Variants in FAAH2 observed in about 807,000 individuals in gnomAD.
FAAH2 encodes the protein fatty-acid amide hydrolase 2.
Under a neutral mutation model 36.9 loss-of-function variants are expected in FAAH2, and 60 were observed. That is an observed-to-expected ratio of 1.63 (90% CI 1.32 to 2.02). The LOEUF is 2.02. Among genes scored for constraint, FAAH2 ranks in the 30% most tolerant of loss-of-function variants. The pLI is 0.00. For missense variants in FAAH2, 689 were observed against 397.5 expected (o/e 1.73, Z -6.23); for synonymous variants, 214 against 143.8 (o/e 1.49, Z -3.49).
chrX:57,257,305 G>A, the FAAH2 span, among the ~76,000 whole-genome samples: 7 of 112,015 alleles, frequency 6.2e-5, no homozygotes, highest in Admixed American at 6.6e-4. Flanking sequence ...ATATTTATCA[G>A]TGATAGACTG....
At chrX:57,144,338 G>A in the FAAH2 span, among the ~76,000 whole-genome samples, 1 of 95,383 alleles carries the variant, frequency 1.0e-5, no homozygotes, top group African/African-American at 3.9e-5. Flanking sequence ...TCTTGTATTT[G>A]GATATTTATA....
Position 57,286,800 on chromosome X carries a change from T to C in FAAH2, c.-26T>C. The C allele has an allele frequency of 8.6e-7, 1 of 1,159,640 alleles. No individual in the cohort carries two copies. Among genetic ancestry groups the C allele is most frequent in the Non-Finnish European group, 1.2e-6 (1 of 866,558 alleles). ...CAGGGTGCACGTAACCCTCAAGCAC[T>C]AGGACCGTGCGGAATCCAGGCTGCG... On this transcript the variant is annotated 5_prime_UTR_variant, in exon 1 of 11. Transcript: ENST00000374900.
intron 3 of FAAH2, among the ~76,000 whole-genome samples, chrX:57,313,644 T>C (rs2052756986): frequency 9.1e-6 from 1 of 110,377 alleles, no homozygotes; most frequent in African/African-American, 3.3e-5. Context: ...AGAATTTCAT[T>C]TCCTCGCAAA....
chrX:57,123,718 CATTGTGGTTTTG>C, the FAAH2 span, among the ~76,000 whole-genome samples: 1 of 112,358 alleles, frequency 8.9e-6, no homozygotes, highest in Non-Finnish European at 1.9e-5. Flanking sequence ...GATGGTATCT[CATTGTGGTTTTG>C]ATTTGCATTT....
At chrX:57,397,425 T>A (rs1218907733) in intron 7 of FAAH2, among the ~76,000 whole-genome samples, 1 of 112,157 alleles carries the variant, frequency 8.9e-6, no homozygotes, top group African/African-American at 3.2e-5. Context: ...TTTGTTTCCA[T>A]ATTTAGTACT....
At chrX:57,184,368 A>C in the FAAH2 span, among the ~76,000 whole-genome samples, 1 of 111,938 alleles carries the variant, frequency 8.9e-6, no homozygotes, top group African/African-American at 3.2e-5. Context: ...TGCTGGTTTG[A>C]GGCTCAGGCG....
chrX:57,404,107 G>T (rs2055506611), intron 7 of FAAH2, among the ~76,000 whole-genome samples: 1 of 112,132 alleles, frequency 8.9e-6, no homozygotes, highest in Non-Finnish European at 1.9e-5. Flanking sequence ...CTGGGTTAAA[G>T]ATTTTTTATA....
intron 4 of FAAH2, among the ~76,000 whole-genome samples, chrX:57,335,750 G>T (rs747847035): frequency 8.1e-5 from 9 of 111,637 alleles, no homozygotes; most frequent in Non-Finnish European, 1.5e-4. Context: ...TTCCCACGAG[G>T]CCATATTTCA....
At chrX:57,362,559 C>T in intron 5 of FAAH2, among the ~76,000 whole-genome samples, 1 of 111,636 alleles carries the variant, frequency 9.0e-6, no homozygotes, top group East Asian at 2.8e-4. Context: ...TTTCTGTTTA[C>T]TCTGTTGATG....
chrX:57,149,198 G>A, the FAAH2 span, among the ~76,000 whole-genome samples: 1 of 111,661 alleles, frequency 9.0e-6, no homozygotes, highest in Non-Finnish European at 1.9e-5. Flanking sequence ...TGTTCATCAA[G>A]GATATTGGTC....
chrX:57,312,130 G>A (rs2052712034), intron 3 of FAAH2, among the ~76,000 whole-genome samples: 1 of 112,363 alleles, frequency 8.9e-6, no homozygotes, highest in Admixed American at 9.4e-5. Flanking sequence ...TTGATCACAG[G>A]GGGCTCTCCC....
the FAAH2 span, among the ~76,000 whole-genome samples, chrX:57,167,838 C>T: frequency 9.0e-6 from 1 of 111,336 alleles, no homozygotes; most frequent in Non-Finnish European, 1.9e-5. Flanking sequence ...CCAGTGACAC[C>T]AACTTTTCAG....
chrX:57,437,834 T>C (rs1448855009), intron 8 of FAAH2, among the ~76,000 whole-genome samples: 1 of 102,716 alleles, frequency 9.7e-6, no homozygotes. Flanking sequence ...ATATAATATA[T>C]AAATATAATT....
the FAAH2 span, among the ~76,000 whole-genome samples, chrX:57,252,052 A>C: frequency 8.9e-6 from 1 of 112,819 alleles, no homozygotes; most frequent in African/African-American, 3.2e-5. Context: ...AGATTCCTGG[A>C]GACCTGCAGA....
intron 3 of FAAH2, among the ~76,000 whole-genome samples, chrX:57,328,774 G>A (rs1015649827): frequency 9.0e-6 from 1 of 111,610 alleles, no homozygotes; most frequent in Non-Finnish European, 1.9e-5. Context: ...TTTGATTATG[G>A]TATAAGGTAG....
At chrX:57,423,573 C>T (rs1178411464) in intron 7 of FAAH2, among the ~76,000 whole-genome samples, 2 of 111,971 alleles carry the variant, frequency 1.8e-5, no homozygotes, top group Non-Finnish European at 3.8e-5. Context: ...GACCCACTGC[C>T]ACATGCTAGG....
chrX:57,126,729 T>A, the FAAH2 span, among the ~76,000 whole-genome samples: 2 of 111,686 alleles, frequency 1.8e-5, no homozygotes, highest in Non-Finnish European at 3.8e-5. Flanking sequence ...GTCATGGTGA[T>A]GCCATTCTTC....
At chrX:57,219,109 G>A in the FAAH2 span, among the ~76,000 whole-genome samples, 2 of 111,730 alleles carry the variant, frequency 1.8e-5, no homozygotes, top group African/African-American at 6.5e-5. Context: ...TTGAGAAAGA[G>A]GCCATATGGG....
chrX:57,148,858 C>G, the FAAH2 span, among the ~76,000 whole-genome samples: 504 of 111,502 alleles, frequency 4.5e-3, 3 homozygotes, highest in African/African-American at 0.016. Flanking sequence ...GGGAATGCTT[C>G]CAGTTTTTGC....
Sources: gnomAD v4.1 joint callset for allele counts (sites outside exome capture counted in the v4.1 genomes callset) on GRCh38, gnomAD v4.1.1 for gene constraint, MANE v1.5 for transcripts, NCBI Gene and HGNC (gene_info 2026-07-23, HGNC 2026-07-21) for gene names.